Variants in TRPM2 observed in about 807,000 individuals in gnomAD.
TRPM2 encodes the protein transient receptor potential cation channel subfamily M member 2.
In TRPM2, 161 loss-of-function variants were observed where a neutral mutation model predicts 174.0. That is an observed-to-expected ratio of 0.93 (90% CI 0.81 to 1.05). TRPM2 has a LOEUF of 1.05. TRPM2 is among the 50% of genes least tolerant of loss of function. TRPM2 has a pLI of 0.00. For missense variants in TRPM2, 2,057 were observed against 2,038.0 expected, an observed-to-expected ratio of 1.01 and a Z score of -0.18; for synonymous variants, 954 against 861.3, an observed-to-expected ratio of 1.11 and a Z score of -1.88.
intron 22 of TRPM2, 62 bp downstream of exon 22, chr21:44,418,617 A>G: frequency 6.3e-7 from 1 of 1,592,232 alleles, no homozygotes; most frequent in Admixed American, 1.7e-5. Flanking sequence ...GCAGGTCCAC[A>G]GGCACCATGA....
chr21:44,424,967 G>A, intron 24 of TRPM2, 28 bp downstream of exon 24: 1 of 1,569,046 alleles, frequency 6.4e-7, no homozygotes, highest in Non-Finnish European at 8.6e-7. Flanking sequence ...CCAGCAGCTG[G>A]TCTCCAGCCG....
At chr21:44,392,479 T>G (rs2049213636) in intron 11 of TRPM2, among the ~76,000 whole-genome samples, 1 of 151,798 alleles carries the variant, frequency 6.6e-6, no homozygotes, top group African/African-American at 2.4e-5. Context: ...TGGCCCAGGC[T>G]GGTCTCAAAC....
chr21:44,406,818 G>T, intron 19 of TRPM2, 53 bp downstream of exon 19: 2 of 1,553,612 alleles, frequency 1.3e-6, no homozygotes, highest in Non-Finnish European at 8.7e-7. Flanking sequence ...AAGCAGGAGA[G>T]AGGCTGGAAA....
chr21:44,375,192 G>A (rs1179672182), intron 5 of TRPM2, among the ~76,000 whole-genome samples: 1 of 152,180 alleles, frequency 6.6e-6, no homozygotes, highest in Non-Finnish European at 1.5e-5. Flanking sequence ...TTCCAGGCGT[G>A]AGCCACCGCG....
At chr21:44,419,190 G>A (rs1265194309) in intron 22 of TRPM2, among the ~76,000 whole-genome samples, 1 of 152,176 alleles carries the variant, frequency 6.6e-6, no homozygotes, top group East Asian at 1.9e-4. Context: ...TGGCATGAGA[G>A]GAGGAGGGGG....
chr21:44,368,576 C>T (rs2048425322), intron 4 of TRPM2, among the ~76,000 whole-genome samples: 1 of 152,026 alleles, frequency 6.6e-6, no homozygotes, highest in Non-Finnish European at 1.5e-5. Context: ...GGACTGCAGG[C>T]GTGTGCTACC....
Position 44,353,663 on chromosome 21 carries a change from G to C in TRPM2, c.-38G>C, listed in dbSNP as rs2047969311. The C allele has an allele frequency of 6.9e-7, 1 of 1,446,468 alleles. No individual in the cohort carries two copies. Among genetic ancestry groups the C allele is most frequent in the Non-Finnish European group, 9.1e-7 (1 of 1,100,764 alleles). The allele number at this position is 1,446,468 out of a possible 1,614,324, so 89.6% of individuals were successfully genotyped here. ...AGCTGGAGAGAGGACTGTCCTGAGGGCAGCAGGCCTGGTTGCAGCTGGCGT... is the reference window on the plus strand; with the variant it reads ...AGCTGGAGAGAGGACTGTCCTGAGGCCAGCAGGCCTGGTTGCAGCTGGCGT... On this transcript the variant is annotated 5_prime_UTR_variant, in exon 1 of 32. Coordinates refer to ENST00000397928, the MANE Select transcript of TRPM2 (RefSeq NM_003307.4).
chr21:44,425,652 C>CT lies in TRPM2; in HGVS notation c.3638-16dup, dbSNP rs1475420151. 6.7e-7 allele frequency: 1 copy of CT among 1,490,318 alleles called. No homozygotes were observed. The highest frequency in any genetic ancestry group is 2.5e-5 in the East Asian group (1 of 39,668). 92.3% of individuals were successfully genotyped at this position (1,490,318 alleles called of 1,614,324 possible). A position where few individuals can be genotyped will look rare whatever the true frequency, so the allele number is the denominator to read the frequency against. On this transcript the variant is annotated splice_polypyrimidine_tract_variant and intron_variant, in intron 24 of 31. Coordinates refer to ENST00000397928, the MANE Select transcript of TRPM2 (RefSeq NM_003307.4). ...GCCCGGGCTCCGCCTTGCGTCACGT[C>CT]TTCCTGACTGTCCCCAGCCTCCCAG...
chr21:44,424,094 G>A lies in TRPM2; in HGVS notation c.3549+362G>A, dbSNP rs45578244. ...ACCGAGGTGGGGAGGACTTAGAGAC[G>A]GCCTCTCAGGGTCTGCTCCCACCAC... On this transcript the variant is annotated intron_variant, in intron 23 of 31. Coordinates refer to ENST00000397928, the MANE Select transcript of TRPM2 (RefSeq NM_003307.4). Among the ~76,000 whole-genome samples, 728 of 152,214 alleles carry A rather than the reference G, an allele frequency of 4.8e-3. 10 individuals are homozygous for A. Among genetic ancestry groups the A allele is most frequent in the African/African-American group, 0.016 (651 of 41,542 alleles).
At chr21:44,355,326 A>G (rs1440031552) in intron 2 of TRPM2, among the ~76,000 whole-genome samples, 2 of 152,134 alleles carry the variant, frequency 1.3e-5, no homozygotes, top group Non-Finnish European at 1.5e-5. Flanking sequence ...TGCTCCCCGC[A>G]GTTGGCGCCC....
In TRPM2 at chr21:44,367,590, C is replaced by T. The variant is rs935877728; in HGVS notation, c.604+656C>T. On this transcript the variant is annotated intron_variant, in intron 4 of 31. Transcript: ENST00000397928. This position sits in a 1 kb window ranked among gnomAD's most constrained non-coding sequence, Gnocchi z 4.6. ...CCACCCTAATTCCATGGGGAGGGGGCCCCAAGTCCTCAAGGCTCCCTGGGC... is the reference window on the plus strand; with the variant it reads ...CCACCCTAATTCCATGGGGAGGGGGTCCCAAGTCCTCAAGGCTCCCTGGGC... 6.6e-6 allele frequency among the ~76,000 whole-genome samples: 1 copy of T among 152,128 alleles called. No individual in the cohort carries two copies. The highest frequency in any genetic ancestry group is 1.5e-5 in the Non-Finnish European group (1 of 68,018).
chr21:44,357,387 A>T (rs11702323), intron 2 of TRPM2, among the ~76,000 whole-genome samples: 30,007 of 152,166 alleles, frequency 0.2, 2,998 homozygotes, highest in Non-Finnish European at 0.2. Flanking sequence ...CCCCAAAGCC[A>T]TCCCCCATGC....
chr21:44,405,210 T>A lies in TRPM2; in HGVS notation c.2607T>A (p.Asn869Lys). 6.2e-7 allele frequency: 1 copy of A among 1,613,484 alleles called. No homozygotes were observed. The highest frequency in any genetic ancestry group is 8.5e-7 in the Non-Finnish European group (1 of 1,179,962). Residue 869 changes from asparagine to lysine, a missense_variant, in exon 17 of 32, where the codon AAT (asparagine) becomes AAA (lysine). Physicochemically the swap from Asn to Lys is moderately conservative, Grantham distance 94. Coordinates refer to ENST00000397928, the MANE Select transcript of TRPM2 (RefSeq NM_003307.4). ...KAALYFSDFW[N>K]KLDVGAILLF... ...CCTTGTACTTCAGTGACTTCTGGAA[T>A]AAGCTGGACGTCGGCGCAATCTTGC...
chr21:44,418,396 C>T (rs1418843752), intron 21 of TRPM2, 27 bp from the exon 22 acceptor site: 1 of 1,612,036 alleles, frequency 6.2e-7, no homozygotes, highest in East Asian at 2.2e-5. Context: ...ATTCCAGGTC[C>T]CCTGGTCTGT....
Position 44,399,508 on chromosome 21 carries a change from T to TG in TRPM2, c.2208+68dup. 6.5e-7 allele frequency: 1 copy of TG among 1,546,254 alleles called. No homozygotes were observed. Among genetic ancestry groups the TG allele is most frequent in the Non-Finnish European group, 8.7e-7 (1 of 1,145,836 alleles). ...TGCCTGCAGGGCGGACACAGCCTCCTGTTCGTGCAGTTGGCACGCACACTC... is the reference window on the plus strand; with the variant it reads ...TGCCTGCAGGGCGGACACAGCCTCCTGGTTCGTGCAGTTGGCACGCACACTC... On this transcript the variant is annotated intron_variant, in intron 14 of 31. Transcript: ENST00000397928. This position sits in a 1 kb window ranked among gnomAD's most constrained non-coding sequence, Gnocchi z 4.6.
In TRPM2 at chr21:44,391,584, C is replaced by T. The variant is rs1294621738; in HGVS notation, c.1753C>T (p.Arg585Trp). The change falls in exon 11 of 32, where the codon CGG (arginine) becomes TGG (tryptophan). Residue 585 changes from arginine to tryptophan, a missense_variant. Transcript: ENST00000397928. The surrounding 1 kb of genome is among the most constrained non-coding windows in gnomAD (Gnocchi z 5.0). Reference protein sequence around the residue: ...PLYPRPRHNDRLRLLLPVPHV... With the variant: ...PLYPRPRHNDWLRLLLPVPHV... Reference sequence around the variant, plus strand: ...TTATCCCCGGCCCCGGCACAACGACCGGCTGCGGCTCCTGCTGCCCGTTCC... The same window carrying T: ...TTATCCCCGGCCCCGGCACAACGACTGGCTGCGGCTCCTGCTGCCCGTTCC... 5.0e-6 allele frequency: 8 copies of T among 1,589,110 alleles called. No homozygotes were observed. The highest frequency in any genetic ancestry group is 1.7e-4 in the Middle Eastern group (1 of 5,776).
rs71316199 is a variant in TRPM2 at position 44,410,707 on chromosome 21, C to T, written c.2963-3184C>T. 1.1e-4 allele frequency among the ~76,000 whole-genome samples: 7 copies of T among 64,126 alleles called. 1 individual carries two copies. The South Asian group carries it at 3.3e-3, about 30-fold the overall frequency. The allele number at this position is 64,126 out of a possible 152,430, so 42.1% of individuals were successfully genotyped here. A position where few individuals can be genotyped will look rare whatever the true frequency, so the allele number is the denominator to read the frequency against. ...GTTTTGACCACACTGTCTTGGTGAG[C>T]GTAGCCTTGTAGTAAGTTTTGACCA... On this transcript the variant is annotated intron_variant, in intron 19 of 31. Coordinates refer to ENST00000397928, the MANE Select transcript of TRPM2 (RefSeq NM_003307.4).
chr21:44,425,643 G>A (rs2050736691), intron 24 of TRPM2, 27 bp from the exon 25 acceptor site: 1 of 1,469,732 alleles, frequency 6.8e-7, no homozygotes, highest in African/African-American at 1.4e-5. Context: ...GCTCCGCCTT[G>A]CGTCACGTCT....
chr21:44,405,349 C>T (rs887815556), intron 17 of TRPM2, 89 bp downstream of exon 17: 68 of 1,567,752 alleles, frequency 4.3e-5, no homozygotes, highest in East Asian at 1.8e-4. Context: ...CCAGCCACAC[C>T]GGGTGAGGCT....
Sources: allele counts gnomAD v4.1 joint callset (sites outside exome capture counted in the v4.1 genomes callset), GRCh38; gene constraint gnomAD v4.1.1; non-coding constraint Gnocchi (gnomAD v3.1); transcripts MANE v1.5; gene names NCBI Gene and HGNC (gene_info 2026-07-23, HGNC 2026-07-21).